Variants in DOCK10 observed in about 807,000 individuals in gnomAD.
DOCK10 encodes dedicator of cytokinesis 10.
A neutral mutation model predicts 280.1 loss-of-function variants in DOCK10; 145 were observed. The ratio of observed to expected loss-of-function variants is 0.52; its 90% CI spans 0.45 to 0.59. The LOEUF is 0.59. Ranked by LOEUF, DOCK10 falls within the 20% of genes least tolerant of loss-of-function variation. DOCK10 has a pLI of 0.00. For synonymous variants in DOCK10, 915 were observed against 942.2 expected (o/e 0.97, Z 0.53); for missense variants, 2,368 against 2,651.7 (o/e 0.89, Z 2.35).
At chr2:224,845,729 C>T in intron 19 of DOCK10, 87 bp from the exon 20 acceptor site, 1 of 1,056,658 alleles carries the variant, frequency 9.5e-7, no homozygotes, top group Admixed American at 2.8e-5. Flanking sequence ...TTTAAACAAT[C>T]TTTTTTTTTT....
At chr2:224,823,749 A>G in intron 27 of DOCK10, 102 bp from the exon 28 acceptor site, 1 of 1,133,068 alleles carries the variant, frequency 8.8e-7, no homozygotes, top group Non-Finnish European at 1.2e-6. Flanking sequence ...GTCATTAAAG[A>G]AAAAGAATCC....
intron 2 of DOCK10, among the ~76,000 whole-genome samples, chr2:224,918,603 G>A (rs1031389696): frequency 1.1e-4 from 17 of 149,786 alleles, no homozygotes; most frequent in African/African-American, 3.4e-4. Flanking sequence ...TGTGTGGTGC[G>A]TGTGTATGTG....
chr2:224,971,443 G>A (rs937924908), intron 1 of DOCK10, among the ~76,000 whole-genome samples: 2 of 152,156 alleles, frequency 1.3e-5, no homozygotes, highest in Non-Finnish European at 2.9e-5. Context: ...TGAAGTGAAA[G>A]AGGTGGGTGT....
At chr2:224,924,587 G>T (rs1701955658) in intron 2 of DOCK10, among the ~76,000 whole-genome samples, 1 of 152,092 alleles carries the variant, frequency 6.6e-6, no homozygotes, top group Non-Finnish European at 1.5e-5. Context: ...ACCACATTCT[G>T]TTTACCCATT....
intron 3 of DOCK10, among the ~76,000 whole-genome samples, chr2:224,914,375 A>G (rs909913178): frequency 1.3e-5 from 2 of 152,228 alleles, no homozygotes; most frequent in African/African-American, 4.8e-5. Context: ...TTTCACTCAT[A>G]ATATAAACTC....
intron 28 of DOCK10, among the ~76,000 whole-genome samples, chr2:224,821,565 G>C (rs1694506244): frequency 6.6e-6 from 1 of 151,578 alleles, no homozygotes; most frequent in Non-Finnish European, 1.5e-5. Context: ...TCTAATAAGT[G>C]TTCCAATTTT....
intron 1 of DOCK10, among the ~76,000 whole-genome samples, chr2:225,019,147 G>A (rs1689716147): frequency 6.6e-6 from 1 of 152,028 alleles, no homozygotes; most frequent in Non-Finnish European, 1.5e-5. Flanking sequence ...AGCCTCATGG[G>A]TTGGGTCGCA....
At position 224,915,253 on chromosome 2, in the gene DOCK10, AAG is replaced by A. The variant is rs140573609; in HGVS notation, c.333+1440_333+1441del. ...AAAAAATTATTTGCCAACTTTTTTA[AAG>A]AATAGTGACACCCTACTGTATGCTA... On this transcript the variant is annotated intron_variant, in intron 3 of 55. Transcript: ENST00000258390. Among the ~76,000 whole-genome samples the A allele has an allele frequency of 1.6e-3, 250 of 152,306 alleles. 1 individual carries two copies. The highest frequency in any genetic ancestry group is 5.7e-3 in the African/African-American group (238 of 41,572).
chr2:224,858,196 T>G (rs960441670), intron 14 of DOCK10, among the ~76,000 whole-genome samples: 3 of 152,190 alleles, frequency 2.0e-5, no homozygotes, highest in African/African-American at 4.8e-5. Context: ...ATTAGTGACT[T>G]CCATTTATTG....
chr2:224,803,579 G>A (rs890735751), intron 39 of DOCK10, among the ~76,000 whole-genome samples: 2 of 152,068 alleles, frequency 1.3e-5, no homozygotes, highest in Non-Finnish European at 2.9e-5. Flanking sequence ...GGTCCTATCT[G>A]CTAGTCAAAC....
chr2:224,941,098 T>C (rs1703035903), intron 1 of DOCK10, among the ~76,000 whole-genome samples: 1 of 152,190 alleles, frequency 6.6e-6, no homozygotes, highest in South Asian at 2.1e-4. Context: ...ATTATTTTTC[T>C]ACTACCACTA....
At chr2:225,017,723 A>G (rs1689655210) in intron 1 of DOCK10, among the ~76,000 whole-genome samples, 1 of 150,622 alleles carries the variant, frequency 6.6e-6, no homozygotes, top group South Asian at 2.1e-4. Context: ...AAAAAAAAGC[A>G]AAAAGGAAAT....
intron 24 of DOCK10, among the ~76,000 whole-genome samples, chr2:224,838,123 T>C (rs1008769551): frequency 1.3e-5 from 2 of 152,228 alleles, no homozygotes; most frequent in East Asian, 3.8e-4. Context: ...TTGTCCAAGT[T>C]GAATGTGCTA....
At chr2:224,821,679 A>G (rs1179174619) in intron 28 of DOCK10, among the ~76,000 whole-genome samples, 1 of 152,058 alleles carries the variant, frequency 6.6e-6, no homozygotes, top group African/African-American at 2.4e-5. Context: ...CTTATTCGTC[A>G]TTTTTTGCAG....
chr2:224,812,829 G>T (rs1038284945), intron 31 of DOCK10, among the ~76,000 whole-genome samples: 2 of 152,162 alleles, frequency 1.3e-5, no homozygotes, highest in Admixed American at 1.3e-4. Flanking sequence ...GCATCCCAGG[G>T]ATGAAGCCCA....
At chr2:224,908,184 A>ATGTGTGTGTGTGTG (rs71062966) in intron 3 of DOCK10, among the ~76,000 whole-genome samples, 45 of 148,414 alleles carry the variant, frequency 3.0e-4, no homozygotes, top group African/African-American at 1.0e-3. Context: ...GTGTGTGTGT[A>ATGTGTGTGTGTGTG]TGTGTGTGTG....
intron 1 of DOCK10, among the ~76,000 whole-genome samples, chr2:225,041,261 T>C (rs77239524): frequency 0.054 from 8,205 of 152,200 alleles, 717 homozygotes; most frequent in African/African-American, 0.19. Flanking sequence ...TGATATTTTC[T>C]GGCAAAAAAG....
intron 11 of DOCK10, among the ~76,000 whole-genome samples, chr2:224,873,495 C>T (rs942340173): frequency 9.4e-5 from 14 of 149,508 alleles, no homozygotes; most frequent in Admixed American, 5.4e-4. Flanking sequence ...GTGGAAGGAT[C>T]GCTTGAGCCC....
chr2:224,806,087 G>A, intron 34 of DOCK10, 39 bp downstream of exon 34: 1 of 1,171,554 alleles, frequency 8.5e-7, no homozygotes, highest in African/African-American at 1.6e-5. Flanking sequence ...AAAGGTGGAT[G>A]AGTGTTAAAA....
Sources: gnomAD v4.1 joint callset for allele counts (sites outside exome capture counted in the v4.1 genomes callset) on GRCh38, gnomAD v4.1.1 for gene constraint, MANE v1.5 for transcripts, NCBI Gene and HGNC (gene_info 2026-07-23, HGNC 2026-07-21) for gene names.